TMEM182: variants seen among roughly 807,000 people sequenced by gnomAD.
The protein encoded by TMEM182 is transmembrane protein 182.
Under a neutral mutation model 26.8 loss-of-function variants are expected in TMEM182, and 20 were observed. That is an observed-to-expected ratio of 0.75 (90% confidence interval 0.53 to 1.09). The LOEUF is 1.09. TMEM182 is among the 50% of genes least tolerant of loss of function. TMEM182 has a pLI of 0.00. For missense variants in TMEM182, 277 were observed against 275.5 expected (o/e 1.01, Z -0.04); for synonymous variants, 109 against 102.2 (o/e 1.07, Z -0.40).
intron 4 of TMEM182, among the ~76,000 whole-genome samples, chr2:102,808,488 C>T (rs191396706): frequency 6.6e-6 from 1 of 152,244 alleles, no homozygotes; most frequent in African/African-American, 2.4e-5. Flanking sequence ...GCCGTAGCAT[C>T]GATAAGTTCC....
chr2:102,823,934 T>TA (rs1682978009), intron 3 of TMEM182, among the ~76,000 whole-genome samples: 1 of 152,214 alleles, frequency 6.6e-6, no homozygotes, highest in Non-Finnish European at 1.5e-5. Flanking sequence ...TTGGACTTGT[T>TA]AATAGATTCC....
In TMEM182 at chr2:102,842,157, C is replaced by T. The variant is rs186111401; in HGVS notation, c.326-1255C>T. ...TTTGGGCTAAGTCTTGTACTCCCCT[C>T]CCCTGCTCCCCCCTGCAATGACTAC... is the stretch of plus-strand genomic sequence containing the variant. On this transcript the variant is annotated intron_variant, in intron 3 of 3. Coordinates refer to the TMEM182 transcript ENST00000486293. 5.3e-5 allele frequency among the ~76,000 whole-genome samples: 8 copies of T among 152,242 alleles called. No homozygotes were observed. The East Asian group carries it at 1.5e-3, about 29-fold the overall frequency.
chr2:102,812,384 T>TACACACACACACACACACAC (rs61175945), intron 4 of TMEM182, among the ~76,000 whole-genome samples: 1 of 143,224 alleles, frequency 7.0e-6, no homozygotes, highest in South Asian at 2.3e-4. Context: ...TCTACACATG[T>TACACACACACACACACACAC]ACACACACAC....
At chr2:102,787,676 C>G (rs551456711) in intron 3 of TMEM182, among the ~76,000 whole-genome samples, 2 of 152,270 alleles carry the variant, frequency 1.3e-5, no homozygotes, top group Admixed American at 1.3e-4. Flanking sequence ...GCGGACATAG[C>G]AGGAGGAGCC....
Position 102,815,423 on chromosome 2 carries a change from C to T in TMEM182, c.*455C>T. 1.0e-6 allele frequency: 1 copy of T among 991,658 alleles called. No individual in the cohort carries two copies. The highest frequency in any genetic ancestry group is 1.1e-4 in the East Asian group (1 of 8,974). The allele number at this position is 991,658 out of a possible 1,614,324, so 61.4% of individuals were successfully genotyped here. On this transcript the variant is annotated 3_prime_UTR_variant, in exon 5 of 5. Transcript: ENST00000412401. ...GTTTCTTGCCCACACAGATAATATCCACATACACATTCACTGGCTCTTGTG... is the reference window on the plus strand; with the variant it reads ...GTTTCTTGCCCACACAGATAATATCTACATACACATTCACTGGCTCTTGTG...
At chr2:102,755,987 T>C (rs1192902653) in intron 1 of TMEM182, among the ~76,000 whole-genome samples, 2 of 152,180 alleles carry the variant, frequency 1.3e-5, no homozygotes, top group Non-Finnish European at 2.9e-5. Context: ...TAGTTCATAG[T>C]AGGCACTTGG....
chr2:102,824,019 A>G (rs1167811603), intron 3 of TMEM182, among the ~76,000 whole-genome samples: 3 of 152,238 alleles, frequency 2.0e-5, no homozygotes, highest in Non-Finnish European at 2.9e-5. Flanking sequence ...TATGAAAGAG[A>G]GGTGTGAAAT....
chr2:102,806,471 G>A lies in TMEM182; in HGVS notation c.470-8277G>A, dbSNP rs542050478. 1.2e-4 allele frequency among the ~76,000 whole-genome samples: 18 copies of A among 152,262 alleles called. No individual in the cohort carries two copies. In the East Asian group the frequency reaches 3.3e-3, roughly 28 times the overall value. ...CGTGGAGAGTTCCAGAAAGACACTGGGAGATGCATTGGAGGTCATCATTCC... is the reference window on the plus strand; with the variant it reads ...CGTGGAGAGTTCCAGAAAGACACTGAGAGATGCATTGGAGGTCATCATTCC... On this transcript the variant is annotated intron_variant, in intron 4 of 4. Coordinates refer to ENST00000412401, the MANE Select transcript of TMEM182 (RefSeq NM_144632.5).
At chr2:102,782,779 A>G (rs1196223528) in intron 3 of TMEM182, among the ~76,000 whole-genome samples, 1 of 152,232 alleles carries the variant, frequency 6.6e-6, no homozygotes, top group South Asian at 2.1e-4. Context: ...AAGATTTGGT[A>G]AGCTTTATTA....
At chr2:102,807,346 A>AG (rs544293680) in intron 4 of TMEM182, among the ~76,000 whole-genome samples, 221 of 152,326 alleles carry the variant, frequency 1.5e-3, no homozygotes, top group African/African-American at 5.1e-3. Flanking sequence ...AGAAAATTGG[A>AG]GAAAAAATGG....
chr2:102,764,115 AT>A (rs1422882855), intron 2 of TMEM182, among the ~76,000 whole-genome samples: 1 of 152,166 alleles, frequency 6.6e-6, no homozygotes, highest in Non-Finnish European at 1.5e-5. Flanking sequence ...ATGTAGCTAG[AT>A]GTTCTGGATG....
intron 3 of TMEM182, among the ~76,000 whole-genome samples, chr2:102,797,246 G>C (rs1256543847): frequency 6.6e-6 from 1 of 152,160 alleles, no homozygotes; most frequent in African/African-American, 2.4e-5. Context: ...TATCAGATTT[G>C]CTTGGAAAGC....
intron 2 of TMEM182, among the ~76,000 whole-genome samples, chr2:102,763,906 TAGA>T (rs1242951447): frequency 6.6e-6 from 1 of 152,208 alleles, no homozygotes; most frequent in Non-Finnish European, 1.5e-5. Context: ...AAAATGGATA[TAGA>T]AGAATTTTTT....
chr2:102,838,825 A>G (rs1021054264), intron 3 of TMEM182, among the ~76,000 whole-genome samples: 2 of 152,198 alleles, frequency 1.3e-5, no homozygotes, highest in Non-Finnish European at 2.9e-5. Flanking sequence ...TGAGACCTCA[A>G]CCAAGCCATT....
At chr2:102,763,406 T>A (rs187785487) in intron 2 of TMEM182, among the ~76,000 whole-genome samples, 1 of 152,346 alleles carries the variant, frequency 6.6e-6, no homozygotes, top group East Asian at 1.9e-4. Context: ...ATGAAAGGGC[T>A]GTTTATTAGC....
intron 3 of TMEM182, among the ~76,000 whole-genome samples, chr2:102,776,918 C>T (rs112304139): frequency 1.3e-5 from 2 of 152,096 alleles, no homozygotes; most frequent in African/African-American, 4.8e-5. Context: ...AACATCTTTT[C>T]TCATGCTTAT....
At chr2:102,752,453 G>T (rs993733575) in intron 1 of TMEM182, among the ~76,000 whole-genome samples, 3 of 152,228 alleles carry the variant, frequency 2.0e-5, no homozygotes, top group Non-Finnish European at 4.4e-5. Flanking sequence ...TGAGCAGAAC[G>T]TGAGGAGAGA....
chr2:102,791,281 T>C (rs1284727720), intron 3 of TMEM182, among the ~76,000 whole-genome samples: 3 of 152,204 alleles, frequency 2.0e-5, no homozygotes, highest in Admixed American at 1.3e-4. Flanking sequence ...AAATAATTAC[T>C]AGAAAATATT....
chr2:102,788,515 A>G (rs1461548307), intron 3 of TMEM182, among the ~76,000 whole-genome samples: 1 of 105,556 alleles, frequency 9.5e-6, no homozygotes, highest in East Asian at 2.8e-4. Context: ...TCAAAGTTGC[A>G]TTGGACTATT....
Sources: gnomAD v4.1 joint callset for allele counts (sites outside exome capture counted in the v4.1 genomes callset) on GRCh38, gnomAD v4.1.1 for gene constraint, MANE v1.5 for transcripts, NCBI Gene and HGNC (gene_info 2026-07-23, HGNC 2026-07-21) for gene names.